Variants in ETS1 observed in about 807,000 individuals in gnomAD.
The protein encoded by ETS1 is protein C-ets-1.
A neutral mutation model predicts 58.6 loss-of-function variants in ETS1; 15 were observed. The ratio of observed to expected loss-of-function variants is 0.26; its 90% CI spans 0.17 to 0.39. The LOEUF (loss-of-function observed/expected upper bound fraction) is 0.39. Ranked by LOEUF, ETS1 falls within the 10% of genes least tolerant of loss-of-function variation. The pLI, the probability that ETS1 is intolerant of heterozygous loss-of-function variation, is 1.00. For synonymous variants in ETS1, 214 were observed against 218.2 expected (o/e 0.98, Z 0.17); for missense variants, 417 against 610.5 (o/e 0.68, Z 3.34).
At chr11:128,473,520 C>T (rs904549603) in intron 8 of ETS1, among the ~76,000 whole-genome samples, 6 of 152,250 alleles carry the variant, frequency 3.9e-5, no homozygotes, top group African/African-American at 1.4e-4. Context: ...CACAGCTGCT[C>T]ACTGGCAGGG....
At chr11:128,565,321 C>T (rs537617796) in intron 2 of ETS1, among the ~76,000 whole-genome samples, 11 of 152,172 alleles carry the variant, frequency 7.2e-5, no homozygotes, top group Non-Finnish European at 1.2e-4. Flanking sequence ...ATCTTGGAAG[C>T]TGAGACGGGA....
intron 3 of ETS1, chr11:128,536,561 TAC>T (rs1220801905): frequency 2.0e-5 from 3 of 152,214 alleles, no homozygotes; most frequent in Non-Finnish European, 2.9e-5. Context: ...GAGAATAGCA[TAC>T]ATTCTGTGGT....
chr11:128,484,965 G>A lies in ETS1; in HGVS notation c.720C>T (p.Leu240=), dbSNP rs368334923. ...QTLHPISSEE[L]LSLKYENDYP... is the part of the protein sequence containing the mutation. ...AGTCATTCTCATACTTGAGGGAGAG[G>A]AGCTCTTCCGAGCTGATGGGATGGA... Residue 240 remains leucine, a synonymous_variant, in exon 7 of 10, where the codon CTC becomes CTT. Coordinates refer to ENST00000392668, the MANE Select transcript of ETS1 (RefSeq NM_001143820.2). 109 of 1,613,982 alleles carry A rather than the reference G, an allele frequency of 6.8e-5. No individual in the cohort carries two copies. Among genetic ancestry groups the A allele is most frequent in the Non-Finnish European group, 7.6e-5 (90 of 1,179,914 alleles).
intron 3 of ETS1, chr11:128,522,431 G>T: frequency 1.2e-6 from 1 of 827,794 alleles, no homozygotes; most frequent in Non-Finnish European, 1.5e-6. Context: ...GTCCGCTTGG[G>T]GGAGCGAGGG....
At position 128,482,808 on chromosome 11, in the gene ETS1, G is replaced by A. The variant is rs573342457; in HGVS notation, c.862+2015C>T. Among the ~76,000 whole-genome samples, 329 of 152,220 alleles carry A rather than the reference G, an allele frequency of 2.2e-3. 2 individuals are homozygous for A. Among genetic ancestry groups the A allele is most frequent in the African/African-American group, 7.2e-3 (301 of 41,518 alleles). ...CAGCCTTTCTGAGAAGGGCCTCGGC[G>A]AGCTCCTTCCAAAGCTATCTGAGTC... On this transcript the variant is annotated intron_variant, in intron 7 of 9. Coordinates refer to ENST00000392668, the MANE Select transcript of ETS1 (RefSeq NM_001143820.2).
rs398018017 is a variant in ETS1, at chr11:128,569,318, CTTTTTT to C, written c.69+3738_69+3743del. On this transcript the variant is annotated intron_variant, in intron 2 of 9. Coordinates refer to ENST00000392668, the MANE Select transcript of ETS1 (RefSeq NM_001143820.2). The stretch of plus-strand genomic sequence containing the variant: ...TACCATACATGGGACAGAGTTTCTT[CTTTTTT>C]TTTTTTTTTTTTTTTTTTGGTGTGT... Among the ~76,000 whole-genome samples, 12 of 39,470 alleles carry C rather than the reference CTTTTTT, an allele frequency of 3.0e-4. 1 individual carries two copies. The highest frequency in any genetic ancestry group is 6.6e-4 in the African/African-American group (6 of 9,132). The allele number at this position is 39,470 out of a possible 152,430, so 25.9% of individuals were successfully genotyped here. A position where few individuals can be genotyped will look rare whatever the true frequency, so the allele number is the denominator to read the frequency against.
chr11:128,476,415 G>C (rs902741568), intron 8 of ETS1, among the ~76,000 whole-genome samples: 1 of 152,348 alleles, frequency 6.6e-6, no homozygotes, highest in African/African-American at 2.4e-5. Context: ...ATGAAGAAAA[G>C]ATTTTCTATT....
intron 8 of ETS1, among the ~76,000 whole-genome samples, chr11:128,476,558 T>C (rs1296553040): frequency 6.6e-6 from 1 of 152,172 alleles, no homozygotes; most frequent in East Asian, 1.9e-4. Context: ...ACTAGAGGGG[T>C]TGAGAGGAAG....
chr11:128,466,998 GA>G (rs1408669778), intron 8 of ETS1, among the ~76,000 whole-genome samples: 1 of 152,128 alleles, frequency 6.6e-6, no homozygotes, highest in Non-Finnish European at 1.5e-5. Flanking sequence ...TCACCCTTCA[GA>G]AAGCCCACAT....
At chr11:128,467,416 A>C (rs891904299) in intron 8 of ETS1, among the ~76,000 whole-genome samples, 2 of 151,638 alleles carry the variant, frequency 1.3e-5, no homozygotes, top group African/African-American at 2.4e-5. Context: ...CCCAGTTACG[A>C]CTCTTCTAGA....
At chr11:128,511,990 G>C (rs1469058920) in intron 3 of ETS1, among the ~76,000 whole-genome samples, 4 of 152,194 alleles carry the variant, frequency 2.6e-5, no homozygotes, top group African/African-American at 9.7e-5. Context: ...ACCAGATATA[G>C]CCAAGTATTA....
In ETS1 at chr11:128,573,161, G is replaced by C; in HGVS notation, c.-14-17C>G. On this transcript the variant is annotated splice_polypyrimidine_tract_variant and intron_variant, in intron 1 of 9. Coordinates refer to ENST00000392668, the MANE Select transcript of ETS1 (RefSeq NM_001143820.2). ...TCTCAGCACCTGTGTGAGAGAAGGC[G>C]TTGGCTGAGCCTCTGGATGCTCACA... 1.3e-6 allele frequency: 2 copies of C among 1,537,172 alleles called. No homozygotes were observed. The highest frequency in any genetic ancestry group is 1.8e-6 in the Non-Finnish European group (2 of 1,129,944).
chr11:128,577,332 A>C (rs1460574867), intron 1 of ETS1, among the ~76,000 whole-genome samples: 1 of 152,206 alleles, frequency 6.6e-6, no homozygotes, highest in Non-Finnish European at 1.5e-5. Flanking sequence ...TCACATAGCT[A>C]TTTAATGCCC....
Position 128,568,581 on chromosome 11 carries a change from C to T in ETS1, c.69+4481G>A, listed in dbSNP as rs755349929. ...TCTCCACCTCCCCACTGTGACACCACCTCATTCATTATGGCCTCCTGAAGG... is the reference window on the plus strand; with the variant it reads ...TCTCCACCTCCCCACTGTGACACCATCTCATTCATTATGGCCTCCTGAAGG... On this transcript the variant is annotated intron_variant, in intron 2 of 9. Transcript: ENST00000392668. 3.9e-5 allele frequency among the ~76,000 whole-genome samples: 6 copies of T among 152,290 alleles called. No homozygotes were observed. In the South Asian group the frequency reaches 1.0e-3, roughly 26 times the overall value.
intron 8 of ETS1, among the ~76,000 whole-genome samples, chr11:128,473,704 G>A (rs1248033645): frequency 6.6e-6 from 1 of 152,206 alleles, no homozygotes; most frequent in Non-Finnish European, 1.5e-5. Flanking sequence ...TCACATGCAA[G>A]TCACCTTAGG....
At chr11:128,498,247 A>G (rs1372195238) in intron 3 of ETS1, among the ~76,000 whole-genome samples, 1 of 152,214 alleles carries the variant, frequency 6.6e-6, no homozygotes, top group Middle Eastern at 3.2e-3. Flanking sequence ...ATAAAATATA[A>G]AGACTTAAAA....
At chr11:128,474,016 A>G (rs1862256380) in intron 8 of ETS1, among the ~76,000 whole-genome samples, 1 of 152,222 alleles carries the variant, frequency 6.6e-6, no homozygotes, top group African/African-American at 2.4e-5. Flanking sequence ...ACAGAGTGGA[A>G]TTCCAGAACA....
At chr11:128,561,735 G>C (rs1864408310) in intron 2 of ETS1, among the ~76,000 whole-genome samples, 1 of 152,188 alleles carries the variant, frequency 6.6e-6, no homozygotes, top group African/African-American at 2.4e-5. Flanking sequence ...TGAATCTACG[G>C]GACGGACATA....
intron 3 of ETS1, among the ~76,000 whole-genome samples, chr11:128,538,401 C>A (rs1047763984): frequency 5.3e-5 from 8 of 152,226 alleles, no homozygotes; most frequent in Admixed American, 2.0e-4. Context: ...TCACAAATTG[C>A]GCACATAGTG....
Sources: allele counts gnomAD v4.1 joint callset (sites outside exome capture counted in the v4.1 genomes callset), GRCh38; gene constraint gnomAD v4.1.1; transcripts MANE v1.5; gene names NCBI Gene and HGNC (gene_info 2026-07-23, HGNC 2026-07-21).